Variants in GALNT13 observed in about 807,000 individuals in gnomAD.
GALNT13 encodes polypeptide N-acetylgalactosaminyltransferase 13.
In GALNT13, 28 loss-of-function variants were observed where a neutral mutation model predicts 64.2. The observed-to-expected ratio is 0.44, with a 90% CI of 0.32 to 0.60. The LOEUF is 0.60. Among genes scored for constraint, GALNT13 ranks in the 20% least tolerant of loss-of-function variants. The pLI, the probability that GALNT13 is intolerant of heterozygous loss-of-function variation, is 0.05. For missense variants in GALNT13, 577 were observed against 669.8 expected, an observed-to-expected ratio of 0.86 and a Z score of 1.53; for synonymous variants, 214 against 224.6, an observed-to-expected ratio of 0.95 and a Z score of 0.42.
intron 3 of GALNT13, among the ~76,000 whole-genome samples, chr2:154,023,263 C>T (rs913519137): frequency 6.6e-6 from 1 of 152,176 alleles, no homozygotes; most frequent in African/African-American, 2.4e-5. Context: ...CTTTCTGTCT[C>T]GTTTATCTGT....
chr2:153,306,723 A>G, the GALNT13 span, among the ~76,000 whole-genome samples: 30 of 152,294 alleles, frequency 2.0e-4, no homozygotes, highest in East Asian at 4.3e-3. Context: ...ACCATTAAGC[A>G]TAGGAGATCG....
intron 3 of GALNT13, among the ~76,000 whole-genome samples, chr2:153,953,040 G>A (rs755288078): frequency 1.3e-5 from 2 of 152,012 alleles, no homozygotes; most frequent in African/African-American, 2.4e-5. Context: ...GTGGGTCTGC[G>A]TCTCTCAGTC....
chr2:153,246,599 G>A, the GALNT13 span, among the ~76,000 whole-genome samples: 3 of 152,172 alleles, frequency 2.0e-5, no homozygotes, highest in Non-Finnish European at 4.4e-5. Context: ...AGCAAATGCT[G>A]AGGGATTTTG....
chr2:154,370,793 T>C (rs1418189637), intron 9 of GALNT13, among the ~76,000 whole-genome samples: 3 of 152,146 alleles, frequency 2.0e-5, no homozygotes, highest in African/African-American at 7.2e-5. Context: ...TTTAAATCCA[T>C]GTAACAATTT....
intron 3 of GALNT13, among the ~76,000 whole-genome samples, chr2:154,049,462 G>A (rs910441832): frequency 2.9e-5 from 4 of 140,168 alleles, no homozygotes; most frequent in Non-Finnish European, 4.7e-5. Flanking sequence ...TATATATAAT[G>A]GTATATATAT....
the GALNT13 span, among the ~76,000 whole-genome samples, chr2:153,615,341 T>C: frequency 1.3e-5 from 2 of 151,994 alleles, no homozygotes; most frequent in Non-Finnish European, 2.9e-5. Context: ...AACATGGGAG[T>C]GCAGATGCCT....
chr2:153,721,681 C>G, the GALNT13 span, among the ~76,000 whole-genome samples: 10 of 151,592 alleles, frequency 6.6e-5, no homozygotes, highest in African/African-American at 2.4e-4. Flanking sequence ...ATAAAACAGA[C>G]TTTAAACCAA....
intron 8 of GALNT13, among the ~76,000 whole-genome samples, chr2:154,280,886 C>G (rs1401719710): frequency 6.6e-6 from 1 of 152,186 alleles, no homozygotes; most frequent in Non-Finnish European, 1.5e-5. Context: ...TTTAAGAAAT[C>G]ACACACATTT....
chr2:154,143,380 A>G (rs995543911), intron 4 of GALNT13, among the ~76,000 whole-genome samples: 1 of 152,120 alleles, frequency 6.6e-6, no homozygotes, highest in African/African-American at 2.4e-5. Flanking sequence ...TAGTGTGATA[A>G]AATGAGTGGC....
At chr2:153,799,588 C>T in the GALNT13 span, among the ~76,000 whole-genome samples, 1 of 152,146 alleles carries the variant, frequency 6.6e-6, no homozygotes, top group Non-Finnish European at 1.5e-5. Context: ...TATTCAAATG[C>T]TCTGCCATTA....
chr2:153,927,201 T>C (rs371812085), intron 2 of GALNT13, among the ~76,000 whole-genome samples: 1 of 152,060 alleles, frequency 6.6e-6, no homozygotes, highest in South Asian at 2.1e-4. Flanking sequence ...CAATTTATGT[T>C]TCTATCTGCA....
chr2:154,273,099 C>T lies in GALNT13; in HGVS notation c.975+13961C>T, dbSNP rs77325801. The stretch of plus-strand genomic sequence containing the variant: ...ACTTATGCTAGAGGGAGACCATAGA[C>T]GATAAATGAGTAAGCAGAAATATTA... On this transcript the variant is annotated intron_variant, in intron 8 of 12. Coordinates refer to ENST00000392825, the MANE Select transcript of GALNT13 (RefSeq NM_052917.4). Among the ~76,000 whole-genome samples, 2,054 of 151,922 alleles carry T rather than the reference C, an allele frequency of 0.014. 147 individuals carry two copies. In the East Asian group the frequency reaches 0.21, roughly 15 times the overall value.
chr2:153,174,462 T>A, the GALNT13 span, among the ~76,000 whole-genome samples: 1 of 143,368 alleles, frequency 7.0e-6, no homozygotes, highest in South Asian at 2.1e-4. Flanking sequence ...CAAAGCACAT[T>A]TTCTATTTTT....
chr2:153,609,190 A>G, the GALNT13 span, among the ~76,000 whole-genome samples: 1 of 141,620 alleles, frequency 7.1e-6, no homozygotes, highest in South Asian at 2.3e-4. Flanking sequence ...CAGCCCCCCA[A>G]AGTGCTGCAA....
chr2:153,208,252 T>C, the GALNT13 span: 1 of 152,256 alleles, frequency 6.6e-6, no homozygotes, highest in Admixed American at 6.5e-5. Flanking sequence ...ACCACCAAAA[T>C]AAAAAATTAT....
At chr2:154,199,582 T>A (rs1461718708) in intron 4 of GALNT13, among the ~76,000 whole-genome samples, 1 of 151,922 alleles carries the variant, frequency 6.6e-6, no homozygotes, top group Non-Finnish European at 1.5e-5. Flanking sequence ...TTAACGAGGG[T>A]TTTGTAGTTG....
intron 9 of GALNT13, among the ~76,000 whole-genome samples, chr2:154,387,580 T>TC (rs1442955994): frequency 6.6e-6 from 1 of 152,156 alleles, no homozygotes; most frequent in Non-Finnish European, 1.5e-5. Context: ...CATTCCTCCC[T>TC]CCTCATGCCT....
At chr2:153,122,043 G>C in the GALNT13 span, among the ~76,000 whole-genome samples, 1 of 152,080 alleles carries the variant, frequency 6.6e-6, no homozygotes, top group South Asian at 2.1e-4. Flanking sequence ...CTTGTCATGT[G>C]TGTATAGTGT....
At chr2:154,018,550 A>G (rs1697188399) in intron 3 of GALNT13, among the ~76,000 whole-genome samples, 1 of 152,084 alleles carries the variant, frequency 6.6e-6, no homozygotes, top group Admixed American at 6.6e-5. Flanking sequence ...GCGAGAAGAT[A>G]AGAGGATGGG....
Sources: allele counts gnomAD v4.1 joint callset (sites outside exome capture counted in the v4.1 genomes callset), GRCh38; gene constraint gnomAD v4.1.1; transcripts MANE v1.5; gene names NCBI Gene and HGNC (gene_info 2026-07-23, HGNC 2026-07-21).